SYT1: variants seen among roughly 807,000 people sequenced by gnomAD.
SYT1 encodes the protein synaptotagmin-1.
Under a neutral mutation model 44.8 loss-of-function variants are expected in SYT1, and 8 were observed. That is an observed-to-expected ratio of 0.18 (90% CI 0.10 to 0.32). The LOEUF (loss-of-function observed/expected upper bound fraction) is 0.32, where lower values mean the gene tolerates loss of function less well. Among genes scored for constraint, SYT1 ranks in the 10% least tolerant of loss-of-function variants. SYT1 has a pLI of 1.00. For synonymous variants in SYT1, 154 were observed against 188.8 expected, an observed-to-expected ratio of 0.82 and a Z score of 1.51; for missense variants, 286 against 509.3, an observed-to-expected ratio of 0.56 and a Z score of 4.22.
chr12:78,942,047 CT>C (rs1756714642), intron 1 of SYT1, among the ~76,000 whole-genome samples: 1 of 152,202 alleles, frequency 6.6e-6, no homozygotes, highest in African/African-American at 2.4e-5. Context: ...ACTTCATTGT[CT>C]TTGTGGAGAA....
At chr12:79,381,945 T>C (rs952511755) in intron 9 of SYT1, among the ~76,000 whole-genome samples, 3 of 152,272 alleles carry the variant, frequency 2.0e-5, no homozygotes, top group Admixed American at 2.0e-4. Flanking sequence ...TCTGGCTAGG[T>C]AATTACTTCC....
At chr12:79,375,385 G>A (rs373005507) in intron 9 of SYT1, among the ~76,000 whole-genome samples, 2 of 152,200 alleles carry the variant, frequency 1.3e-5, no homozygotes, top group Admixed American at 1.3e-4. Context: ...ATCGTGTAGT[G>A]TAGAGGAGCT....
intron 3 of SYT1, among the ~76,000 whole-genome samples, chr12:79,152,747 A>G (rs1394892149): frequency 6.6e-6 from 1 of 152,024 alleles, no homozygotes; most frequent in East Asian, 1.9e-4. Flanking sequence ...TAGAATGGAA[A>G]GGGAAGCTTG....
intron 9 of SYT1, among the ~76,000 whole-genome samples, chr12:79,439,580 GCTGA>G (rs1416721256): frequency 6.6e-6 from 1 of 152,154 alleles, no homozygotes; most frequent in African/African-American, 2.4e-5. Context: ...ATTCACAGAT[GCTGA>G]CTTAGATGTT....
At chr12:79,105,039 G>A (rs1592752435) in intron 3 of SYT1, among the ~76,000 whole-genome samples, 1 of 152,146 alleles carries the variant, frequency 6.6e-6, no homozygotes, top group East Asian at 1.9e-4. Flanking sequence ...ATACTGTGCA[G>A]GATCAAGGAG....
intron 3 of SYT1, among the ~76,000 whole-genome samples, chr12:79,156,115 G>A (rs945395710): frequency 3.3e-5 from 5 of 152,096 alleles, no homozygotes; most frequent in Admixed American, 6.6e-5. Flanking sequence ...GAACAACCTT[G>A]GACAAGATGA....
chr12:79,437,049 C>T (rs961480630), intron 9 of SYT1, among the ~76,000 whole-genome samples: 2 of 152,056 alleles, frequency 1.3e-5, no homozygotes, highest in Non-Finnish European at 2.9e-5. Flanking sequence ...AAGGGCCTTT[C>T]AGGGTGAAGG....
intron 1 of SYT1, among the ~76,000 whole-genome samples, chr12:78,866,024 GACA>G (rs1873526516): frequency 6.6e-6 from 1 of 152,122 alleles, no homozygotes; most frequent in Non-Finnish European, 1.5e-5. Context: ...ATTTGCAAGG[GACA>G]ACAATTTTAT....
At chr12:79,307,512 C>G (rs529586320) in intron 8 of SYT1, among the ~76,000 whole-genome samples, 1 of 152,048 alleles carries the variant, frequency 6.6e-6, no homozygotes, top group South Asian at 2.1e-4. Flanking sequence ...GCTGGCGGGG[C>G]TGAGGCTGGA....
chr12:78,989,477 G>GC (rs934864390), intron 2 of SYT1, among the ~76,000 whole-genome samples: 6 of 151,938 alleles, frequency 3.9e-5, no homozygotes, highest in Non-Finnish European at 8.8e-5. Context: ...TCAGGGCCTA[G>GC]CCCCCCCGTT....
intron 1 of SYT1, among the ~76,000 whole-genome samples, chr12:78,907,803 G>A (rs912484207): frequency 1.3e-5 from 2 of 151,906 alleles, no homozygotes; most frequent in Non-Finnish European, 1.5e-5. Flanking sequence ...AACCAAAAAA[G>A]CATCATCAAA....
chr12:79,389,408 A>C (rs1338983725), intron 9 of SYT1, among the ~76,000 whole-genome samples: 2 of 152,230 alleles, frequency 1.3e-5, no homozygotes, highest in Non-Finnish European at 2.9e-5. Context: ...AGTTAATTTA[A>C]GAAAATAATG....
rs183278699 is a variant in SYT1 at position 79,446,180 on chromosome 12, A to T, written c.1062+1974A>T. ...GAATTTCTTTACATGTAAAATAAGA[A>T]TGATAACAGTCCTTGTCAAAGTGAC... On this transcript the variant is annotated intron_variant, in intron 10 of 10. Transcript: ENST00000261205. Among the ~76,000 whole-genome samples the T allele has an allele frequency of 3.6e-3, 542 of 151,588 alleles. 2 individuals are homozygous for T. The highest frequency in any genetic ancestry group is 5.8e-3 in the Admixed American group (88 of 15,168).
chr12:79,356,165 T>G (rs997364346), intron 9 of SYT1, among the ~76,000 whole-genome samples: 1 of 151,178 alleles, frequency 6.6e-6, no homozygotes, highest in Non-Finnish European at 1.5e-5. Flanking sequence ...AGCCATGGGG[T>G]GTCTGGGAGA....
chr12:79,274,820 T>C lies in SYT1; in HGVS notation c.167-10967T>C, dbSNP rs1878625386. Among the ~76,000 whole-genome samples, 4 of 152,206 alleles carry C rather than the reference T, an allele frequency of 2.6e-5. No individual in the cohort carries two copies. The South Asian group carries it at 8.3e-4, about 32-fold the overall frequency. On this transcript the variant is annotated intron_variant, in intron 4 of 10. Transcript: ENST00000261205. ...ATCTGCTGACACAACATAGTACTCA[T>C]AGTGAACATGCTCACTGTAGCTGGC...
rs547181097 is a variant in SYT1 at position 78,993,793 on chromosome 12, C to CA, written c.-84+15864dup. On this transcript the variant is annotated intron_variant, in intron 2 of 10. Coordinates refer to ENST00000261205, the MANE Select transcript of SYT1 (RefSeq NM_005639.3). ...AATGTAATATTCTAAACCCAATATG[C>CA]AATTGCTTTTAAGTATCCAAATTCT... is the stretch of plus-strand genomic sequence containing the variant. 6.2e-4 allele frequency among the ~76,000 whole-genome samples: 94 copies of CA among 152,230 alleles called. 1 individual carries two copies. Among genetic ancestry groups the CA allele is most frequent in the African/African-American group, 2.2e-3 (90 of 41,526 alleles).
At chr12:79,168,526 CATTTTAATTTTA>C (rs555386485) in intron 3 of SYT1, among the ~76,000 whole-genome samples, 115 of 152,128 alleles carry the variant, frequency 7.6e-4, no homozygotes, top group African/African-American at 2.7e-3. Context: ...TTACTGGTGA[CATTTTAATTTTA>C]AATTTACATT....
At chr12:79,335,434 G>T (rs1882048220) in intron 8 of SYT1, among the ~76,000 whole-genome samples, 1 of 148,928 alleles carries the variant, frequency 6.7e-6, no homozygotes, top group South Asian at 2.1e-4. Context: ...AATCTTCTGT[G>T]GACTTCAAAC....
chr12:79,322,954 G>A (rs1466464688), intron 8 of SYT1, among the ~76,000 whole-genome samples: 1 of 152,074 alleles, frequency 6.6e-6, no homozygotes, highest in Non-Finnish European at 1.5e-5. Context: ...TAAGAATTGG[G>A]GCATGGATTT....
Sources: allele counts gnomAD v4.1 joint callset (sites outside exome capture counted in the v4.1 genomes callset), GRCh38; gene constraint gnomAD v4.1.1; transcripts MANE v1.5; gene names NCBI Gene and HGNC (gene_info 2026-07-23, HGNC 2026-07-21).